Variants in SS18L1 observed in about 807,000 individuals in gnomAD.
The protein encoded by SS18L1 is SS18L1 subunit of BAF chromatin remodeling complex.
Under a neutral mutation model 70.3 loss-of-function variants are expected in SS18L1, and 32 were observed. The ratio of observed to expected loss-of-function variants is 0.46; its 90% CI spans 0.34 to 0.61. The LOEUF (loss-of-function observed/expected upper bound fraction) is 0.61, where lower values mean the gene tolerates loss of function less well. Ranked by LOEUF, SS18L1 falls within the 20% of genes least tolerant of loss-of-function variation. SS18L1 has a pLI of 0.01. For synonymous variants in SS18L1, 237 were observed against 229.7 expected, an observed-to-expected ratio of 1.03 and a Z score of -0.29; for missense variants, 430 against 542.1, an observed-to-expected ratio of 0.79 and a Z score of 2.05.
chr20:62,173,340 G>A (rs563051534), intron 9 of SS18L1, among the ~76,000 whole-genome samples: 32 of 126,586 alleles, frequency 2.5e-4, no homozygotes, highest in African/African-American at 1.0e-3. Flanking sequence ...CCACACACGT[G>A]GTTTCTTATG....
intron 1 of SS18L1, 79 bp downstream of exon 1, chr20:62,143,968 C>A: frequency 1.1e-6 from 1 of 896,110 alleles, no homozygotes; most frequent in Non-Finnish European, 1.3e-6. Flanking sequence ...GGGCAGCTGG[C>A]GGGCGCGGGG....
chr20:62,178,930 C>T (rs899216176), intron 10 of SS18L1, among the ~76,000 whole-genome samples: 1 of 152,248 alleles, frequency 6.6e-6, no homozygotes, highest in Non-Finnish European at 1.5e-5. Context: ...GCTCTGATGC[C>T]AGGCCTGGCA....
In SS18L1 at chr20:62,158,573, C is replaced by G. The variant is rs1338706191; in HGVS notation, c.70-99C>G. 2 of 1,520,484 alleles carry G rather than the reference C, an allele frequency of 1.3e-6. No homozygotes were observed. Among genetic ancestry groups the G allele is most frequent in the East Asian group, 2.4e-5 (1 of 41,200 alleles). 94.2% of individuals were successfully genotyped at this position (1,520,484 alleles called of 1,614,324 possible). A position where few individuals can be genotyped will look rare whatever the true frequency, so the allele number is the denominator to read the frequency against. ...TCTGACACGTTTCACGTAAGGGACGCTCAACCTATATGAAAACTAGATGTG... is the reference window on the plus strand; with the variant it reads ...TCTGACACGTTTCACGTAAGGGACGGTCAACCTATATGAAAACTAGATGTG... On this transcript the variant is annotated intron_variant, in intron 1 of 10. Coordinates refer to ENST00000331758, the MANE Select transcript of SS18L1 (RefSeq NM_198935.3). The surrounding 1 kb of genome is among the most constrained non-coding windows in gnomAD (Gnocchi z 4.5).
rs1200011049 is a variant in SS18L1 at position 62,181,516 on chromosome 20, C to A, written c.*2308C>A. 1.4e-5 allele frequency: 3 copies of A among 213,096 alleles called. No homozygotes were observed. Among genetic ancestry groups the A allele is most frequent in the African/African-American group, 6.8e-5 (3 of 44,148 alleles). The allele number at this position is 213,096 out of a possible 1,614,324, so 13.2% of individuals were successfully genotyped here. On this transcript the variant is annotated 3_prime_UTR_variant, in exon 11 of 11. Transcript: ENST00000331758. ...TTAAGTGCTGTATTAATAATACTTT[C>A]TGAAAGAAAAGGACACTTACCCCAA... is the stretch of plus-strand genomic sequence containing the variant.
intron 1 of SS18L1, among the ~76,000 whole-genome samples, chr20:62,152,852 G>A (rs939247674): frequency 5.3e-5 from 8 of 152,320 alleles, no homozygotes; most frequent in East Asian, 3.9e-4. Flanking sequence ...CCTCCAGAGT[G>A]GGGGCCACAG....
intron 9 of SS18L1, among the ~76,000 whole-genome samples, chr20:62,173,076 G>A (rs763400812): frequency 1.3e-5 from 2 of 152,234 alleles, no homozygotes; most frequent in Admixed American, 6.5e-5. Flanking sequence ...ATCCATGCAC[G>A]TAGACCTGAA....
chr20:62,143,842 GC>G lies in SS18L1; in HGVS notation c.25del (p.Arg9GlyfsTer23). On this transcript the variant is annotated frameshift_variant, in exon 1 of 11. Transcript: ENST00000331758. LOFTEE classifies it high-confidence loss of function. The part of the protein sequence containing the change: MSVAFAS[A>X]RPRGKGEVTQ... ...CACCATGTCCGTGGCCTTCGCGTCTGCCCGGCCAAGAGGCAAAGGGGAGGTT... is the reference window on the plus strand; with the variant it reads ...CACCATGTCCGTGGCCTTCGCGTCTGCCGGCCAAGAGGCAAAGGGGAGGTT... The G allele has an allele frequency of 7.5e-7, 1 of 1,330,368 alleles. No individual in the cohort carries two copies. Among genetic ancestry groups the G allele is most frequent in the Non-Finnish European group, 9.9e-7 (1 of 1,010,056 alleles). 82.4% of individuals were successfully genotyped at this position (1,330,368 alleles called of 1,614,324 possible).
rs147669921 is a variant in SS18L1, at chr20:62,169,377, A to G, written c.917-3305A>G. 1.1e-3 allele frequency among the ~76,000 whole-genome samples: 171 copies of G among 152,402 alleles called. No homozygotes were observed. The South Asian group carries it at 0.017, about 15-fold the overall frequency. The stretch of plus-strand genomic sequence containing the variant: ...GATGGGGTTAGGGCTCAGGCAGTCC[A>G]GAGCAGGGGTGGAAGCGGCCACCTT... On this transcript the variant is annotated intron_variant, in intron 8 of 10. Coordinates refer to ENST00000331758, the MANE Select transcript of SS18L1 (RefSeq NM_198935.3).
At chr20:62,160,971 G>A (rs562465762) in intron 3 of SS18L1, among the ~76,000 whole-genome samples, 2 of 152,104 alleles carry the variant, frequency 1.3e-5, no homozygotes, top group South Asian at 2.1e-4. Context: ...GGTGTGGGGT[G>A]GGGGTAGTCG....
intron 8 of SS18L1, among the ~76,000 whole-genome samples, chr20:62,168,138 T>C (rs572897194): frequency 3.9e-5 from 6 of 152,096 alleles, no homozygotes; most frequent in African/African-American, 1.2e-4. Flanking sequence ...GGTACTTCCG[T>C]AGCTTGTTGT....
Position 62,174,833 on chromosome 20 carries a change from C to A in SS18L1, c.1164+189C>A, listed in dbSNP as rs1406268653. 1 of 1,470,204 alleles carries A rather than the reference C, an allele frequency of 6.8e-7. No homozygotes were observed. The allele number at this position is 1,470,204 out of a possible 1,614,324, so 91.1% of individuals were successfully genotyped here. On this transcript the variant is annotated intron_variant, in intron 10 of 10. Coordinates refer to ENST00000331758, the MANE Select transcript of SS18L1 (RefSeq NM_198935.3). This position sits in a 1 kb window ranked among gnomAD's most constrained non-coding sequence, Gnocchi z 4.1. ...CCTCTGTGTATACGCTCACCTCAGT[C>A]ATCCAGCTGGCTTTTCATACCCTAA...
chr20:62,156,370 C>G (rs78881674), intron 1 of SS18L1, among the ~76,000 whole-genome samples: 1,629 of 152,282 alleles, frequency 0.011, 28 homozygotes, highest in African/African-American at 0.037. Context: ...CCTCACCTGC[C>G]CACTGGTAAG....
At position 62,179,268 on chromosome 20, in the gene SS18L1, C is replaced by T; in HGVS notation, c.*60C>T. The T allele has an allele frequency of 6.3e-7, 1 of 1,591,190 alleles. No homozygotes were observed. Among genetic ancestry groups the T allele is most frequent in the Non-Finnish European group, 8.6e-7 (1 of 1,159,370 alleles). On this transcript the variant is annotated 3_prime_UTR_variant, in exon 11 of 11. Transcript: ENST00000331758. ...CGTGTTCATCCAGGGGCCGGATGGG[C>T]TGGCGGCAGCTCTGGTGAATTGTGA...
chr20:62,160,417 TG>T (rs1428048611), intron 3 of SS18L1, among the ~76,000 whole-genome samples: 45 of 127,918 alleles, frequency 3.5e-4, no homozygotes, highest in Admixed American at 2.0e-3. Context: ...AGAGGTGGGA[TG>T]GGGGCCCTGC....
Position 62,174,521 on chromosome 20 carries a change from T to C in SS18L1, c.1041T>C (p.Ser347=), listed in dbSNP as rs764810744. 5.0e-6 allele frequency: 8 copies of C among 1,613,932 alleles called. No homozygotes were observed. In the East Asian group the frequency reaches 1.8e-4, roughly 36 times the overall value. ...SYPGQQQGYG[S]AQGAPSQYPG... ...CGGTTCCTGGTGTCTTCTCAGGGTC[T>C]GCCCAGGGAGCCCCGTCACAGTACC... Residue 347 remains serine (S), a synonymous_variant, in exon 10 of 11, where the codon TCT becomes TCC. Coordinates refer to ENST00000331758, the MANE Select transcript of SS18L1 (RefSeq NM_198935.3). This position sits in a 1 kb window ranked among gnomAD's most constrained non-coding sequence, Gnocchi z 4.1.
chr20:62,175,392 G>A, intron 10 of SS18L1: 1 of 985,426 alleles, frequency 1.0e-6, no homozygotes, highest in Non-Finnish European at 1.2e-6. Flanking sequence ...GACAGGGTCT[G>A]TGTGGTGGGA....
chr20:62,152,203 A>G (rs2057145715), intron 1 of SS18L1, among the ~76,000 whole-genome samples: 1 of 152,078 alleles, frequency 6.6e-6, no homozygotes, highest in African/African-American at 2.4e-5. Flanking sequence ...ATGCATGCCC[A>G]CGTCGGTCTT....
At chr20:62,176,671 C>T (rs918914139) in intron 10 of SS18L1, among the ~76,000 whole-genome samples, 3 of 151,934 alleles carry the variant, frequency 2.0e-5, no homozygotes, top group Non-Finnish European at 2.9e-5. Flanking sequence ...AAAAATTAGC[C>T]GGGTGCCTGT....
chr20:62,155,269 C>T (rs561647425), intron 1 of SS18L1, among the ~76,000 whole-genome samples: 37 of 152,148 alleles, frequency 2.4e-4, no homozygotes, highest in African/African-American at 8.9e-4. Context: ...CCCATTTAGC[C>T]AGGCATGGTG....
Sources: gnomAD v4.1 joint callset for allele counts (sites outside exome capture counted in the v4.1 genomes callset) on GRCh38, gnomAD v4.1.1 for gene constraint, Gnocchi (gnomAD v3.1) non-coding constraint, MANE v1.5 for transcripts, NCBI Gene and HGNC (gene_info 2026-07-23, HGNC 2026-07-21) for gene names.